GDAP1: variants seen among roughly 807,000 people sequenced by gnomAD.
The protein encoded by GDAP1 is ganglioside-induced differentiation-associated protein 1.
GDAP1 carries 34 observed loss-of-function variants against 40.1 expected under a neutral mutation model. The ratio of observed to expected loss-of-function variants is 0.85; its 90% CI spans 0.64 to 1.13. The LOEUF is 1.13. GDAP1 is among the 50% of genes most tolerant of loss of function. The pLI, the probability that GDAP1 is intolerant of heterozygous loss-of-function variation, is 0.00. For synonymous variants in GDAP1, 170 were observed against 157.4 expected (o/e 1.08, Z -0.60); for missense variants, 374 against 433.7 (o/e 0.86, Z 1.22).
intron 2 of GDAP1, among the ~76,000 whole-genome samples, chr8:74,443,435 A>T (rs1474452939): frequency 1.3e-5 from 2 of 152,206 alleles, no homozygotes; most frequent in African/African-American, 4.8e-5. Context: ...TTAAAAGTTG[A>T]CCATTCTATC....
chr8:74,461,547 G>A (rs530866759), intron 2 of GDAP1, among the ~76,000 whole-genome samples: 7 of 152,240 alleles, frequency 4.6e-5, no homozygotes, highest in East Asian at 1.9e-4. Flanking sequence ...AAAAAAATTC[G>A]GAAGAAAAGT....
At chr8:74,485,228 A>G (rs999476748) in intron 2 of GDAP1, among the ~76,000 whole-genome samples, 1 of 152,198 alleles carries the variant, frequency 6.6e-6, no homozygotes, top group African/African-American at 2.4e-5. Context: ...TCAAAAAGTT[A>G]TTCCAAATCC....
intron 2 of GDAP1, among the ~76,000 whole-genome samples, chr8:74,373,012 G>A (rs1809781557): frequency 1.3e-5 from 2 of 152,136 alleles, no homozygotes; most frequent in South Asian, 2.1e-4. Context: ...AGCACCATTT[G>A]TTAAATAGGG....
rs908661283 is a variant in GDAP1, at chr8:74,378,885, A to T, written c.165+27564A>T. On this transcript the variant is annotated intron_variant, in intron 2 of 2. Transcript: ENST00000523640. ...GGAGTACATACTAGCAGCATGATCT[A>T]CCCTTGACAGGAAAGACTTAGGGAA... Among the ~76,000 whole-genome samples, 4 of 152,142 alleles carry T rather than the reference A, an allele frequency of 2.6e-5. No individual in the cohort carries two copies. In the East Asian group the frequency reaches 7.7e-4, roughly 29 times the overall value.
chr8:74,390,367 G>A (rs980195433), intron 2 of GDAP1, among the ~76,000 whole-genome samples: 1 of 152,108 alleles, frequency 6.6e-6, no homozygotes, highest in African/African-American at 2.4e-5. Flanking sequence ...TGGGGTTTTT[G>A]TGTGGATGTC....
intron 2 of GDAP1, among the ~76,000 whole-genome samples, chr8:74,470,914 T>A (rs548183227): frequency 2.0e-4 from 31 of 152,318 alleles, no homozygotes; most frequent in Non-Finnish European, 3.7e-4. Flanking sequence ...CTCCAGCACC[T>A]GTTTCCTGAC....
At chr8:74,459,945 A>G (rs1373032125) in intron 2 of GDAP1, among the ~76,000 whole-genome samples, 1 of 152,204 alleles carries the variant, frequency 6.6e-6, no homozygotes, top group African/African-American at 2.4e-5. Context: ...TTACTTCCTA[A>G]TGCAATATGT....
rs1808813194 is a variant in GDAP1, at chr8:74,350,668, C to T, written c.117+90C>T. On this transcript the variant is annotated intron_variant, in intron 1 of 5. Transcript: ENST00000220822. ...TGAGTCCCGCCCAGGGAAGCCGGTC[C>T]ACCTAGAAATCCGCCTCCAGTGTCC... The T allele has an allele frequency of 1.7e-5, 15 of 904,518 alleles. No homozygotes were observed. In the South Asian group the frequency reaches 2.0e-4, roughly 12 times the overall value. 56.0% of individuals were successfully genotyped at this position (904,518 alleles called of 1,614,324 possible).
chr8:74,378,603 C>T (rs1809899015), intron 2 of GDAP1, among the ~76,000 whole-genome samples: 3 of 152,150 alleles, frequency 2.0e-5, no homozygotes, highest in Admixed American at 6.5e-5. Context: ...GCATCAATGT[C>T]CTCAACTTAG....
intron 2 of GDAP1, among the ~76,000 whole-genome samples, chr8:74,418,401 G>A (rs2131557537): frequency 6.6e-6 from 1 of 152,258 alleles, no homozygotes. Context: ...ATGGCCAATT[G>A]ATTTTTAACA....
chr8:74,445,986 T>G (rs1227575130), intron 2 of GDAP1, among the ~76,000 whole-genome samples: 2 of 152,180 alleles, frequency 1.3e-5, no homozygotes, highest in African/African-American at 4.8e-5. Flanking sequence ...CCAGTTACCC[T>G]TTACAAGAAA....
intron 2 of GDAP1, among the ~76,000 whole-genome samples, chr8:74,478,927 T>G (rs1186544445): frequency 6.6e-6 from 1 of 152,160 alleles, no homozygotes; most frequent in East Asian, 1.9e-4. Context: ...ATGGTAGCCT[T>G]GTACAGGGTT....
intron 2 of GDAP1, among the ~76,000 whole-genome samples, chr8:74,378,370 G>A (rs73347252): frequency 5.1e-4 from 78 of 152,284 alleles, no homozygotes; most frequent in African/African-American, 1.8e-3. Context: ...TGAGCTCAGC[G>A]TTCTTTACCT....
rs954252159 is a variant in GDAP1 at position 74,401,984 on chromosome 8, G to C, written c.165+50663G>C. Among the ~76,000 whole-genome samples the C allele has an allele frequency of 2.0e-5, 3 of 150,354 alleles. No homozygotes were observed. In the East Asian group the frequency reaches 5.8e-4, roughly 29 times the overall value. ...CCTACTAGGGGTGCCTCCCAGTTAG[G>C]CTGCTCAGGGGTCAGGGGTCAGGGA... On this transcript the variant is annotated intron_variant, in intron 2 of 2. Coordinates refer to the GDAP1 transcript ENST00000523640.
At chr8:74,361,795 C>A in intron 3 of GDAP1, 89 bp from the exon 4 acceptor site, 1 of 806,122 alleles carries the variant, frequency 1.2e-6, no homozygotes, top group Non-Finnish European at 2.2e-6. Flanking sequence ...AGAGCTCATG[C>A]TCTTGTCATT....
chr8:74,420,285 G>A (rs1281033000), intron 2 of GDAP1, among the ~76,000 whole-genome samples: 1 of 152,066 alleles, frequency 6.6e-6, no homozygotes, highest in Non-Finnish European at 1.5e-5. Context: ...CTCAGGCCCT[G>A]GTTGAGTATC....
chr8:74,383,818 A>G (rs574020808), intron 2 of GDAP1, among the ~76,000 whole-genome samples: 3 of 152,244 alleles, frequency 2.0e-5, no homozygotes, highest in African/African-American at 7.2e-5. Context: ...AAGCCTTCCA[A>G]TCAAAATCTA....
chr8:74,425,719 A>G (rs1805939259), intron 2 of GDAP1, among the ~76,000 whole-genome samples: 1 of 152,214 alleles, frequency 6.6e-6, no homozygotes, highest in African/African-American at 2.4e-5. Context: ...GAGAACCTCT[A>G]CTATGTGGAA....
At chr8:74,439,367 T>G (rs1806132607) in intron 2 of GDAP1, among the ~76,000 whole-genome samples, 1 of 152,124 alleles carries the variant, frequency 6.6e-6, no homozygotes, top group South Asian at 2.1e-4. Flanking sequence ...ATAATTCATC[T>G]TTTCCCTACT....
Sources: allele counts gnomAD v4.1 joint callset (sites outside exome capture counted in the v4.1 genomes callset), GRCh38; gene constraint gnomAD v4.1.1; transcripts MANE v1.5; gene names NCBI Gene and HGNC (gene_info 2026-07-23, HGNC 2026-07-21).